Variants in RABGAP1L observed in about 807,000 individuals in gnomAD.
The protein encoded by RABGAP1L is rab GTPase-activating protein 1-like.
In RABGAP1L, 63 loss-of-function variants were observed where a neutral mutation model predicts 137.7. That is an observed-to-expected ratio of 0.46 (90% CI 0.37 to 0.56). The LOEUF (loss-of-function observed/expected upper bound fraction) is 0.56. RABGAP1L is among the 20% of genes least tolerant of loss of function. The pLI is 0.00. For synonymous variants in RABGAP1L, 431 were observed against 433.7 expected, an observed-to-expected ratio of 0.99 and a Z score of 0.08; for missense variants, 1,095 against 1,244.0, an observed-to-expected ratio of 0.88 and a Z score of 1.80.
At chr1:174,172,189 TG>T (rs1665459778) in intron 1 of RABGAP1L, among the ~76,000 whole-genome samples, 1 of 130,772 alleles carries the variant, frequency 7.6e-6, no homozygotes, top group Non-Finnish European at 1.5e-5. Flanking sequence ...TGTGTGTGTG[TG>T]TGTGTGTGTG....
chr1:174,164,305 A>G (rs1664741933), intron 1 of RABGAP1L, among the ~76,000 whole-genome samples: 1 of 152,208 alleles, frequency 6.6e-6, no homozygotes, highest in South Asian at 2.1e-4. Context: ...AATTGTGGTG[A>G]AGAGACATCT....
intron 19 of RABGAP1L, among the ~76,000 whole-genome samples, chr1:174,912,541 A>G (rs1397525826): frequency 6.6e-6 from 1 of 152,348 alleles, no homozygotes; most frequent in East Asian, 1.9e-4. Flanking sequence ...GTGCATATTA[A>G]TAGGGCACAA....
At chr1:174,705,356 A>G (rs1679971137) in intron 17 of RABGAP1L, 1 of 152,230 alleles carries the variant, frequency 6.6e-6, no homozygotes, top group South Asian at 2.1e-4. Context: ...ATGTCAGTTA[A>G]GAAAACTAGC....
intron 19 of RABGAP1L, among the ~76,000 whole-genome samples, chr1:174,890,268 T>A (rs949724188): frequency 1.3e-5 from 2 of 152,118 alleles, no homozygotes; most frequent in Non-Finnish European, 2.9e-5. Context: ...GTAGGTGCTG[T>A]TTGTCCTATA....
chr1:174,956,492 T>C (rs1333991300), intron 19 of RABGAP1L, among the ~76,000 whole-genome samples: 1 of 152,234 alleles, frequency 6.6e-6, no homozygotes, highest in Non-Finnish European at 1.5e-5. Flanking sequence ...CTTTTGTGGA[T>C]GACATAATTT....
chr1:174,700,225 G>A (rs1022768199), intron 16 of RABGAP1L, among the ~76,000 whole-genome samples: 2 of 152,182 alleles, frequency 1.3e-5, no homozygotes, highest in African/African-American at 4.8e-5. Context: ...AAAAAAGATT[G>A]TGACCACAGG....
intron 18 of RABGAP1L, among the ~76,000 whole-genome samples, chr1:174,803,951 T>C (rs1689001433): frequency 1.3e-5 from 2 of 151,578 alleles, no homozygotes; most frequent in Admixed American, 1.3e-4. Flanking sequence ...TGGGCGCCTG[T>C]AATCCCAGCT....
At chr1:174,325,786 C>T (rs772057409) in intron 11 of RABGAP1L, among the ~76,000 whole-genome samples, 12 of 152,264 alleles carry the variant, frequency 7.9e-5, no homozygotes, top group Middle Eastern at 3.4e-3. Flanking sequence ...TAGCAGCAGC[C>T]GGTGTGTGGA....
At chr1:174,246,583 A>G (rs1444143476) in intron 5 of RABGAP1L, among the ~76,000 whole-genome samples, 2 of 152,188 alleles carry the variant, frequency 1.3e-5, no homozygotes, top group African/African-American at 4.8e-5. Context: ...TCCCTAAAAG[A>G]TACAGTATAA....
At chr1:174,705,886 TG>T (rs1181855515) in intron 17 of RABGAP1L, 3 of 152,216 alleles carry the variant, frequency 2.0e-5, no homozygotes, top group Non-Finnish European at 4.4e-5. Context: ...CATAGGTATT[TG>T]TTTTTGTCAT....
At chr1:174,971,006 A>C (rs1203886186) in intron 21 of RABGAP1L, among the ~76,000 whole-genome samples, 2 of 151,800 alleles carry the variant, frequency 1.3e-5, no homozygotes, top group African/African-American at 4.8e-5. Context: ...GCATTGGGTC[A>C]TCCTATAGGG....
intron 13 of RABGAP1L, among the ~76,000 whole-genome samples, chr1:174,477,486 A>G (rs911439864): frequency 1.3e-5 from 2 of 152,190 alleles, no homozygotes; most frequent in Non-Finnish European, 2.9e-5. Context: ...AAAATTTTCA[A>G]TTTAGTGTTG....
intron 17 of RABGAP1L, chr1:174,705,882 T>G (rs1680006339): frequency 2.0e-5 from 3 of 152,156 alleles, no homozygotes; most frequent in Admixed American, 2.0e-4. Context: ...TATCCATAGG[T>G]ATTTGTTTTT....
chr1:174,434,778 TC>T (rs1410731889), intron 13 of RABGAP1L, among the ~76,000 whole-genome samples: 5 of 152,168 alleles, frequency 3.3e-5, no homozygotes, highest in African/African-American at 4.8e-5. Flanking sequence ...TATTTGTATA[TC>T]TTCTTTTGTG....
At position 174,976,126 on chromosome 1, in the gene RABGAP1L, C is replaced by A. The variant is rs1159459180; in HGVS notation, c.2593C>A (p.Gln865Lys). 1.9e-6 allele frequency: 3 copies of A among 1,550,964 alleles called. No individual in the cohort carries two copies. In the African/African-American group the frequency reaches 4.1e-5, roughly 21 times the overall value. ...GAATAAAGAGCTCCTTTTGACCAAACAGAGGCTGGTGGAGACTGAAGAGGA... is the reference window on the plus strand; with the variant it reads ...GAATAAAGAGCTCCTTTTGACCAAAAAGAGGCTGGTGGAGACTGAAGAGGA... ...VLNKELLLTK[Q>K]RLVETEEEKR... is the part of the protein sequence containing the mutation. The change falls in exon 22 of 26, where the codon CAG (glutamine) becomes AAG (lysine). Residue 865 changes from glutamine (Q) to lysine (K), a missense_variant. This residue lies in a region of RABGAP1L where 312 missense variants were observed against 435.6 expected (regional missense o/e 0.72). Coordinates refer to ENST00000681986, the MANE Select transcript of RABGAP1L (RefSeq NM_001366446.1).
At chr1:174,578,337 A>T (rs1158047220) in intron 13 of RABGAP1L, among the ~76,000 whole-genome samples, 1 of 152,116 alleles carries the variant, frequency 6.6e-6, no homozygotes, top group East Asian at 1.9e-4. Context: ...GGTGCACAGT[A>T]CTATGCCCTG....
chr1:174,828,828 G>A (rs1260901843), intron 19 of RABGAP1L, among the ~76,000 whole-genome samples: 3 of 147,860 alleles, frequency 2.0e-5, no homozygotes, highest in Non-Finnish European at 3.0e-5. Flanking sequence ...CACTGTTGGC[G>A]TTAAGAACGT....
intron 13 of RABGAP1L, among the ~76,000 whole-genome samples, chr1:174,532,397 CAGGG>C (rs1284309520): frequency 2.0e-5 from 3 of 151,732 alleles, no homozygotes; most frequent in African/African-American, 7.3e-5. Flanking sequence ...TTAGTAGAGA[CAGGG>C]TTTCACCATG....
rs527462316 is a variant in RABGAP1L at position 174,849,898 on chromosome 1, T to C, written c.2340+37938T>C. 6.7e-6 allele frequency: 4 copies of C among 593,896 alleles called. No individual in the cohort carries two copies. The East Asian group carries it at 1.9e-4, about 28-fold the overall frequency. The allele number at this position is 593,896 out of a possible 1,614,324, so 36.8% of individuals were successfully genotyped here. ...TGGCCAAAAGGCAATCTGAATTCTT[T>C]CAGCTCTTGACATCTTTCAGCAGCT... On this transcript the variant is annotated intron_variant, in intron 19 of 25. Coordinates refer to ENST00000681986, the MANE Select transcript of RABGAP1L (RefSeq NM_001366446.1).
Sources: gnomAD v4.1 joint callset for allele counts (sites outside exome capture counted in the v4.1 genomes callset) on GRCh38, gnomAD v4.1.1 for gene constraint, gnomAD v4.1.1 regional missense constraint, MANE v1.5 for transcripts, NCBI Gene and HGNC (gene_info 2026-07-23, HGNC 2026-07-21) for gene names.